KLF12: variants seen among roughly 807,000 people sequenced by gnomAD.
The protein encoded by KLF12 is Krueppel-like factor 12.
Under a neutral mutation model 37.8 loss-of-function variants are expected in KLF12, and 9 were observed. The observed-to-expected ratio is 0.24, with a 90% CI of 0.14 to 0.42. The LOEUF is 0.42. KLF12 is among the 10% of genes least tolerant of loss of function. The probability of loss-of-function intolerance (pLI) is 1.00; values close to 1 mark genes in which losing one functional copy is unlikely to be tolerated. For missense variants in KLF12, 411 were observed against 516.0 expected (o/e 0.80, Z 1.97); for synonymous variants, 208 against 202.1 (o/e 1.03, Z -0.25).
In KLF12 at chr13:73,701,269, T is replaced by C. The variant is rs1045672027; in HGVS notation, c.1028-5598A>G. Among the ~76,000 whole-genome samples, 9 of 152,234 alleles carry C rather than the reference T, an allele frequency of 5.9e-5. No individual in the cohort carries two copies. The South Asian group carries it at 6.2e-4, about 11-fold the overall frequency. On this transcript the variant is annotated intron_variant, in intron 7 of 7. Transcript: ENST00000377669. ...TGATCAGAAACTTGATTTCTATTAA[T>C]TTCTTTAGAAATAATGCATTTCCCC...
rs369473962 is a variant in KLF12, at chr13:73,872,240, C to G, written c.124-25867G>C. On this transcript the variant is annotated intron_variant, in intron 3 of 7. Coordinates refer to ENST00000377669, the MANE Select transcript of KLF12 (RefSeq NM_007249.5). ...ATATTTCAGAATTTAATCTACACAC[C>G]TACATGTCAGCACCACCCACTTTCA... 4.6e-5 allele frequency among the ~76,000 whole-genome samples: 7 copies of G among 152,274 alleles called. No homozygotes were observed. In the East Asian group the frequency reaches 1.4e-3, roughly 29 times the overall value.
chr13:73,738,017 CAACA>C (rs71793150), intron 6 of KLF12, among the ~76,000 whole-genome samples: 36,111 of 121,686 alleles, frequency 0.3, 5,382 homozygotes, highest in African/African-American at 0.45. Flanking sequence ...ACACTTCATT[CAACA>C]AACACACACA....
At chr13:73,918,722 T>C (rs768721513) in intron 3 of KLF12, among the ~76,000 whole-genome samples, 1 of 152,174 alleles carries the variant, frequency 6.6e-6, no homozygotes, top group Non-Finnish European at 1.5e-5. Flanking sequence ...GACTTATTTC[T>C]TACCACCTGA....
At chr13:73,873,360 T>C (rs955548729) in intron 3 of KLF12, among the ~76,000 whole-genome samples, 5 of 152,198 alleles carry the variant, frequency 3.3e-5, no homozygotes, top group African/African-American at 4.8e-5. Context: ...AAATATGGCT[T>C]GAGATTTCAA....
intron 5 of KLF12, among the ~76,000 whole-genome samples, chr13:73,810,982 CTTTT>C (rs376490803): frequency 6.7e-5 from 3 of 44,806 alleles, no homozygotes; most frequent in East Asian, 9.6e-4. Flanking sequence ...ATTTTTCTTT[CTTTT>C]TTTTTTTTTT....
intron 6 of KLF12, among the ~76,000 whole-genome samples, chr13:73,720,639 T>C (rs1876171720): frequency 6.6e-6 from 1 of 152,172 alleles, no homozygotes; most frequent in African/African-American, 2.4e-5. Context: ...AGAGAACAAA[T>C]GAGTGAATCA....
At chr13:73,908,921 A>G (rs959347522) in intron 3 of KLF12, among the ~76,000 whole-genome samples, 1 of 152,204 alleles carries the variant, frequency 6.6e-6, no homozygotes. Flanking sequence ...ACATGGTAGA[A>G]GCACAATAAA....
chr13:74,159,830 G>A, the KLF12 span, among the ~76,000 whole-genome samples: 1 of 151,934 alleles, frequency 6.6e-6, no homozygotes, highest in South Asian at 2.1e-4. Context: ...ACCAGCCTGG[G>A]CAACATGGCG....
At chr13:74,293,955 T>C in the KLF12 span, among the ~76,000 whole-genome samples, 8 of 152,230 alleles carry the variant, frequency 5.3e-5, no homozygotes, top group African/African-American at 1.9e-4. Flanking sequence ...CTATCTCCTC[T>C]CACCTCTTAC....
chr13:74,140,366 T>TA, the KLF12 span, among the ~76,000 whole-genome samples: 66 of 150,436 alleles, frequency 4.4e-4, no homozygotes, highest in Admixed American at 9.3e-4. Flanking sequence ...CTACCAAAAA[T>TA]AAAAAAAAAT....
chr13:74,083,086 A>G (rs890951308), intron 1 of KLF12, among the ~76,000 whole-genome samples: 1 of 152,234 alleles, frequency 6.6e-6, no homozygotes. Context: ...GACAAAGTAC[A>G]CAGTGAGCTC....
At chr13:74,244,731 A>G in the KLF12 span, among the ~76,000 whole-genome samples, 6 of 152,162 alleles carry the variant, frequency 3.9e-5, no homozygotes, top group African/African-American at 1.4e-4. Flanking sequence ...TCTAATGTGT[A>G]TTGTCCTACT....
At chr13:74,301,424 C>A in the KLF12 span, among the ~76,000 whole-genome samples, 1 of 152,236 alleles carries the variant, frequency 6.6e-6, no homozygotes, top group African/African-American at 2.4e-5. Flanking sequence ...AGAATTCTTC[C>A]CATGTGCTGT....
intron 2 of KLF12, among the ~76,000 whole-genome samples, chr13:73,945,505 A>G (rs1890382978): frequency 6.6e-6 from 1 of 152,182 alleles, no homozygotes; most frequent in South Asian, 2.1e-4. Context: ...TCCTTTCAAC[A>G]AATCATAAAT....
At chr13:73,879,007 A>G (rs1886849821) in intron 3 of KLF12, among the ~76,000 whole-genome samples, 1 of 152,186 alleles carries the variant, frequency 6.6e-6, no homozygotes, top group Non-Finnish European at 1.5e-5. Flanking sequence ...GATCTGATTT[A>G]TGTTTTAAAA....
chr13:74,110,203 A>C (rs1876895139), intron 1 of KLF12, among the ~76,000 whole-genome samples: 1 of 152,140 alleles, frequency 6.6e-6, no homozygotes, highest in African/African-American at 2.4e-5. Flanking sequence ...TGCCCTATAC[A>C]CACCCAACAC....
At chr13:73,980,927 A>G (rs1891673877) in intron 2 of KLF12, among the ~76,000 whole-genome samples, 1 of 152,186 alleles carries the variant, frequency 6.6e-6, no homozygotes, top group African/African-American at 2.4e-5. Flanking sequence ...TGAGAGGCCA[A>G]GACAGGAGGA....
chr13:73,849,960 A>G (rs1885248658), intron 3 of KLF12, among the ~76,000 whole-genome samples: 1 of 152,206 alleles, frequency 6.6e-6, no homozygotes, highest in African/African-American at 2.4e-5. Context: ...AGATTGTATA[A>G]GAACACTGGA....
intron 3 of KLF12, among the ~76,000 whole-genome samples, chr13:73,879,325 A>C (rs1291498887): frequency 6.6e-6 from 1 of 152,204 alleles, no homozygotes; most frequent in Non-Finnish European, 1.5e-5. Context: ...CTGTTTGGTG[A>C]AGCCTTCCTT....
Sources: allele counts gnomAD v4.1 joint callset (sites outside exome capture counted in the v4.1 genomes callset), GRCh38; gene constraint gnomAD v4.1.1; transcripts MANE v1.5; gene names NCBI Gene and HGNC (gene_info 2026-07-23, HGNC 2026-07-21).